The following MVP variants were observed in gnomAD, a reference collection of about 807,000 sequenced individuals.
MVP encodes the protein major vault protein, also known as lung resistance-related protein.
Under a neutral mutation model 83.5 loss-of-function variants are expected in MVP, and 62 were observed. That is an observed-to-expected ratio of 0.74 (90% confidence interval 0.61 to 0.92). MVP has a LOEUF of 0.92. Ranked by LOEUF, MVP falls within the 40% of genes least tolerant of loss-of-function variation. The pLI is 0.00. For synonymous variants in MVP, 505 were observed against 504.1 expected (o/e 1.00, Z -0.02); for missense variants, 1,000 against 1,203.4 (o/e 0.83, Z 2.50).
At chr16:29,836,259 C>T (rs1409512508) in intron 6 of MVP, among the ~76,000 whole-genome samples, 2 of 146,170 alleles carry the variant, frequency 1.4e-5, no homozygotes, top group Non-Finnish European at 3.0e-5. Context: ...CAGAGCGAAA[C>T]CCTGTCTCAA....
rs139289305 is a variant in MVP, at chr16:29,845,894, C to T, written c.2053C>T (p.Arg685Cys). 2.7e-5 allele frequency: 44 copies of T among 1,613,942 alleles called. No individual in the cohort carries two copies. Among genetic ancestry groups the T allele is most frequent in the Admixed American group, 5.0e-5 (3 of 59,996 alleles). ...HEAQRLEQEA[R>C]GRLERQKILD... ...GGCTCAGAGACTGGAGCAGGAAGCCCGCGGCCGGCTTGAGCGGCAGAAGAT... is the reference window on the plus strand; with the variant it reads ...GGCTCAGAGACTGGAGCAGGAAGCCTGCGGCCGGCTTGAGCGGCAGAAGAT... The change falls in exon 12 of 15, where the codon CGC becomes TGC. Residue 685 changes from arginine to cysteine, a missense_variant. Coordinates refer to ENST00000357402, the MANE Select transcript of MVP (RefSeq NM_005115.5).
chr16:29,830,898 G>T lies in MVP; in HGVS notation c.146G>T (p.Arg49Leu). ...DNERVLFAPM[R>L]MVTVPPRHYC... is the part of the protein sequence containing the mutation. ...TGCAGGGTACTGTTTGCCCCCATGC[G>T]CATGGTGACCGTCCCCCCACGTCAC... Residue 49 changes from arginine (R) to leucine (L), a missense_variant, in exon 3 of 15, where the codon CGC (arginine) becomes CTC (leucine). Coordinates refer to ENST00000357402, the MANE Select transcript of MVP (RefSeq NM_005115.5). 6.2e-7 allele frequency: 1 copy of T among 1,612,780 alleles called. No homozygotes were observed. The highest frequency in any genetic ancestry group is 8.5e-7 in the Non-Finnish European group (1 of 1,179,072).
chr16:29,830,474 G>C (rs1010023110), intron 1 of MVP, 41 bp from the exon 2 acceptor site: 9 of 1,554,290 alleles, frequency 5.8e-6, no homozygotes, highest in African/African-American at 2.7e-5. Flanking sequence ...CCCACCCCAG[G>C]CTCCCCAGGT....
intron 6 of MVP, among the ~76,000 whole-genome samples, chr16:29,836,427 T>C (rs1276674726): frequency 6.6e-6 from 1 of 151,766 alleles, no homozygotes; most frequent in Non-Finnish European, 1.5e-5. Context: ...ATACAAAAAT[T>C]AGCTGGGCAT....
chr16:29,843,612 C>T (rs573796095), intron 10 of MVP, among the ~76,000 whole-genome samples: 75 of 94,828 alleles, frequency 7.9e-4, no homozygotes, highest in African/African-American at 3.5e-3. Flanking sequence ...GAGGGTCAGG[C>T]GTGGTGGCTC....
chr16:29,830,986 A>G lies in MVP; in HGVS notation c.234A>G (p.Thr78=), dbSNP rs759909189. The G allele has an allele frequency of 2.5e-6, 4 of 1,613,678 alleles. No individual in the cohort carries two copies. The highest frequency in any genetic ancestry group is 3.4e-6 in the Non-Finnish European group (4 of 1,179,812). The change falls in exon 3 of 15, where the codon ACA becomes ACG. Residue 78 remains threonine, a synonymous_variant. Transcript: ENST00000357402. ...DAQGLVLFDV[T]GQVRLRHADL... ...AGGGCTTGGTGCTGTTTGATGTCAC[A>G]GGGCAAGTTCGGCTTCGCCACGCTG...
chr16:29,829,166 A>G (rs2067423624), intron 1 of MVP, among the ~76,000 whole-genome samples: 1 of 149,856 alleles, frequency 6.7e-6, no homozygotes, highest in Non-Finnish European at 1.5e-5. Flanking sequence ...CTGGCCAGAC[A>G]TTTTTGAGGC....
rs960388894 is a variant in MVP at position 29,820,478 on chromosome 16, A to G, written c.-68A>G. ...AGGCAGGGTGAGAGTTCCCCATCTG[A>G]GGCGTTTGTTGCAGCTACCTGCACT... On this transcript the variant is annotated 5_prime_UTR_variant, in exon 1 of 15. Transcript: ENST00000357402. 6.8e-6 allele frequency: 1 copy of G among 147,170 alleles called. No homozygotes were observed. Among genetic ancestry groups the G allele is most frequent in the African/African-American group, 2.6e-5 (1 of 38,784 alleles). 9.1% of individuals were successfully genotyped at this position (147,170 alleles called of 1,614,324 possible). A position where few individuals can be genotyped will look rare whatever the true frequency, so the allele number is the denominator to read the frequency against.
chr16:29,834,583 T>A (rs2067470045), intron 5 of MVP: 1 of 167,846 alleles, frequency 6.0e-6, no homozygotes. Context: ...GGGGAGAATT[T>A]CTTGAGCCCA....
chr16:29,836,807 T>G lies in MVP; in HGVS notation c.758T>G (p.Val253Gly), dbSNP rs1473965141. ...RRTGEEWLVT[V>G]QDTEAHVPDV... ...ACTGGGGAGGAGTGGCTGGTAACAGTGCAGGACACAGAGGCCCACGTGCCA... is the reference window on the plus strand; with the variant it reads ...ACTGGGGAGGAGTGGCTGGTAACAGGGCAGGACACAGAGGCCCACGTGCCA... Residue 253 changes from valine (V) to glycine (G), a missense_variant, in exon 7 of 15, where the codon GTG (valine) becomes GGG (glycine). Physicochemically the swap from Val to Gly is moderately radical, Grantham distance 109. Transcript: ENST00000357402. The G allele has an allele frequency of 6.2e-7, 1 of 1,613,624 alleles. No homozygotes were observed.
intron 5 of MVP, chr16:29,835,494 A>C (rs957008797): frequency 9.0e-6 from 3 of 334,758 alleles, no homozygotes; most frequent in Middle Eastern, 7.3e-4. Flanking sequence ...AAAAAAAAAA[A>C]AAAAAAAAAA....
intron 12 of MVP, 74 bp from the exon 13 acceptor site, chr16:29,846,084 G>A: frequency 4.4e-6 from 7 of 1,604,544 alleles, no homozygotes; most frequent in Non-Finnish European, 6.0e-6. Context: ...ACAGTGCACG[G>A]CTACAGCATA....
chr16:29,825,809 T>G (rs2067401159), intron 1 of MVP: 2 of 152,520 alleles, frequency 1.3e-5, no homozygotes, highest in South Asian at 2.1e-4. Context: ...ATGGAGGCTG[T>G]TCCCAGAGCC....
chr16:29,835,925 T>G, intron 6 of MVP, 127 bp downstream of exon 6: 1 of 754,864 alleles, frequency 1.3e-6, no homozygotes, highest in Non-Finnish European at 2.2e-6. Context: ...TTAAAAAAAT[T>G]CAGAGATCAG....
chr16:29,823,829 G>A (rs2067383343), intron 1 of MVP, among the ~76,000 whole-genome samples: 1 of 148,414 alleles, frequency 6.7e-6, no homozygotes, highest in African/African-American at 2.5e-5. Context: ...GTGACAGAGC[G>A]AGACTCGTCT....
At chr16:29,840,032 C>T in intron 7 of MVP, 146 bp from the exon 8 acceptor site, 1 of 740,138 alleles carries the variant, frequency 1.4e-6, no homozygotes. Context: ...GACAGTGCCT[C>T]ACCGTATTAT....
rs2067432647 is a variant in MVP at position 29,830,472 on chromosome 16, A to T, written c.-35-43A>T. 6 of 1,550,082 alleles carry T rather than the reference A, an allele frequency of 3.9e-6. No homozygotes were observed. In the South Asian group the frequency reaches 6.1e-5, roughly 16 times the overall value. On this transcript the variant is annotated intron_variant, in intron 1 of 14. Transcript: ENST00000357402. ...ACCAGATTCATGCCTGCCCCACCCC[A>T]GGCTCCCCAGGTTCATCCTGTGTCG... is the stretch of plus-strand genomic sequence containing the variant.
chr16:29,841,592 C>T lies in MVP; in HGVS notation c.1192-4C>T, dbSNP rs750594502. The T allele has an allele frequency of 2.5e-6, 4 of 1,583,450 alleles. No homozygotes were observed. In the East Asian group the frequency reaches 9.0e-5, roughly 36 times the overall value. ...GCAGCTTCCCTCCCTGTCCTCGTCC[C>T]AAGGTGCGCGCTGTGATTGGAAGCA... On this transcript the variant is annotated splice_polypyrimidine_tract_variant and splice_region_variant and intron_variant, in intron 8 of 14. Transcript: ENST00000357402. The surrounding 1 kb of genome is among the most constrained non-coding windows in gnomAD (Gnocchi z 4.7).
rs762150769 is a variant in MVP, at chr16:29,830,575, G to T, written c.26G>T (p.Arg9Leu). The change falls in exon 2 of 15, where the codon CGC (arginine) becomes CTC (leucine). Residue 9 changes from arginine to leucine, a missense_variant. Physicochemically the swap from Arg to Leu is moderately radical, Grantham distance 102. Coordinates refer to ENST00000357402, the MANE Select transcript of MVP (RefSeq NM_005115.5). ...ATGGCAACTGAAGAGTTCATCATCC[G>T]CATCCCCCCATACCACTATATCCAT... Reference protein sequence around the residue: MATEEFIIRIPPYHYIHVL... With the variant: MATEEFIILIPPYHYIHVL... 6.2e-7 allele frequency: 1 copy of T among 1,613,754 alleles called. No homozygotes were observed. Among genetic ancestry groups the T allele is most frequent in the Non-Finnish European group, 8.5e-7 (1 of 1,179,928 alleles).
Sources: allele counts gnomAD v4.1 joint callset (sites outside exome capture counted in the v4.1 genomes callset), GRCh38; gene constraint gnomAD v4.1.1; non-coding constraint Gnocchi (gnomAD v3.1); transcripts MANE v1.5; gene names NCBI Gene and HGNC (gene_info 2026-07-23, HGNC 2026-07-21).